Variants in ABCA4 observed in about 807,000 individuals in gnomAD.
The protein encoded by ABCA4 is ATP binding cassette subfamily A member 4.
Under a neutral mutation model 263.7 loss-of-function variants are expected in ABCA4, and 196 were observed. The ratio of observed to expected loss-of-function variants is 0.74; its 90% CI spans 0.66 to 0.84. ABCA4 has a LOEUF of 0.84. Among genes scored for constraint, ABCA4 ranks in the 40% least tolerant of loss-of-function variants. The probability of loss-of-function intolerance (pLI) is 0.00; values close to 1 mark genes in which losing one functional copy is unlikely to be tolerated. For synonymous variants in ABCA4, 1,133 were observed against 1,094.2 expected, an observed-to-expected ratio of 1.04 and a Z score of -0.70; for missense variants, 2,792 against 2,855.1, an observed-to-expected ratio of 0.98 and a Z score of 0.50.
intron 8 of ABCA4, among the ~76,000 whole-genome samples, 165 bp downstream of exon 8, chr1:94,080,313 C>A (rs1570407827): frequency 6.6e-6 from 1 of 152,182 alleles, no homozygotes; most frequent in Admixed American, 6.5e-5. Context: ...GCAATGCCCC[C>A]TTTCTGCAAG....
intron 4 of ABCA4, 129 bp downstream of exon 4, chr1:94,108,448 G>A (rs561318886): frequency 1.3e-4 from 168 of 1,343,882 alleles, no homozygotes; most frequent in Non-Finnish European, 1.7e-4. Context: ...TGTTCAAGCC[G>A]CCTCCAGACC....
chr1:94,029,376 A>T, intron 30 of ABCA4, 69 bp downstream of exon 30: 1 of 1,338,710 alleles, frequency 7.5e-7, no homozygotes. Context: ...GACTCAGGAG[A>T]TACCAGGGAC....
At chr1:94,103,642 A>C (rs1662346013) in intron 4 of ABCA4, among the ~76,000 whole-genome samples, 1 of 152,170 alleles carries the variant, frequency 6.6e-6, no homozygotes, top group Non-Finnish European at 1.5e-5. Flanking sequence ...TGAGGCTGAG[A>C]AACTCTGGTC....
intron 36 of ABCA4, among the ~76,000 whole-genome samples, chr1:94,017,931 C>G (rs991324465): frequency 6.6e-6 from 1 of 152,144 alleles, no homozygotes; most frequent in African/African-American, 2.4e-5. Context: ...ATTACATAAG[C>G]AATAATTGTT....
At chr1:94,013,630 C>T (rs1470653851) in intron 38 of ABCA4, among the ~76,000 whole-genome samples, 1 of 151,416 alleles carries the variant, frequency 6.6e-6, no homozygotes, top group Non-Finnish European at 1.5e-5. Context: ...AAAGACAGCC[C>T]TGCAGCGACT....
chr1:94,105,482 G>T (rs773222795), intron 4 of ABCA4, among the ~76,000 whole-genome samples: 3 of 152,168 alleles, frequency 2.0e-5, no homozygotes, highest in Non-Finnish European at 4.4e-5. Flanking sequence ...CAGGTGAAGA[G>T]GAGGCCGATA....
rs752508495 is a variant in ABCA4 at position 94,001,815 on chromosome 1, G to C, written c.6282+43C>G. The C allele has an allele frequency of 5.6e-6, 9 of 1,613,886 alleles. No individual in the cohort carries two copies. The Admixed American group carries it at 1.5e-4, about 27-fold the overall frequency. ...CTATTTCCCCAACCCAAGAGACCCA[G>C]CACTTGGTTTAAGCCCTTGGTGCGG... is the stretch of plus-strand genomic sequence containing the variant. On this transcript the variant is annotated intron_variant, in intron 45 of 49. Coordinates refer to ENST00000370225, the MANE Select transcript of ABCA4 (RefSeq NM_000350.3).
intron 11 of ABCA4, among the ~76,000 whole-genome samples, chr1:94,071,941 G>C (rs12077009): frequency 0.012 from 1,874 of 152,264 alleles, 42 homozygotes; most frequent in African/African-American, 0.042. Flanking sequence ...TGCACATCTA[G>C]AGTCAATGAA....
At chr1:94,074,161 A>G (rs1661477602) in intron 11 of ABCA4, among the ~76,000 whole-genome samples, 1 of 152,198 alleles carries the variant, frequency 6.6e-6, no homozygotes, top group Admixed American at 6.5e-5. Context: ...TGTTTTGTAA[A>G]CAGACACATA....
chr1:94,031,118 G>A lies in ABCA4; in HGVS notation c.4131C>T (p.Ile1377=), dbSNP rs145681797. 9.9e-6 allele frequency: 16 copies of A among 1,614,082 alleles called. No individual in the cohort carries two copies. In the South Asian group the frequency reaches 1.1e-4, roughly 11 times the overall value. The stretch of plus-strand genomic sequence containing the variant: ...AAAACACAAAGGTAGCCGGGAGCAC[G>A]ATCTGTGGGAGAATAGACGTGGAAT... The part of the protein sequence containing the change: ...IRSHKDFLAQ[I]VLPATFVFLA... The change falls in exon 28 of 50, where the codon ATC becomes ATT. Residue 1377 remains isoleucine (I), a splice_region_variant and synonymous_variant. Coordinates refer to ENST00000370225, the MANE Select transcript of ABCA4 (RefSeq NM_000350.3).
intron 7 of ABCA4, among the ~76,000 whole-genome samples, chr1:94,082,028 G>T (rs981897882): frequency 1.1e-4 from 17 of 152,120 alleles, no homozygotes; most frequent in Admixed American, 6.5e-4. Context: ...CCATGTTTAC[G>T]TGTCATCCCT....
chr1:94,007,807 G>T, intron 42 of ABCA4, 67 bp from the exon 43 acceptor site: 2 of 1,438,926 alleles, frequency 1.4e-6, no homozygotes, highest in Non-Finnish European at 2.0e-6. Flanking sequence ...AGGCCCCAGG[G>T]TAAGTGTGTG....
At chr1:94,067,494 C>T (rs1661302417) in intron 11 of ABCA4, among the ~76,000 whole-genome samples, 1 of 152,190 alleles carries the variant, frequency 6.6e-6, no homozygotes. Context: ...TTAAAAGATT[C>T]TCAAACGTTC....
chr1:94,019,019 GTTTTTTTT>G (rs757258025), intron 36 of ABCA4, among the ~76,000 whole-genome samples: 2 of 76,430 alleles, frequency 2.6e-5, no homozygotes, highest in African/African-American at 6.2e-5. Context: ...AAACAACCAG[GTTTTTTTT>G]TTTTTTTTTT....
rs545240996 is a variant in ABCA4, at chr1:94,108,330, C to G, written c.442+247G>C. 5.7e-4 allele frequency among the ~76,000 whole-genome samples: 87 copies of G among 152,300 alleles called. 2 individuals carry two copies. Among genetic ancestry groups the G allele is most frequent in the African/African-American group, 1.9e-3 (81 of 41,562 alleles). On this transcript the variant is annotated intron_variant, in intron 4 of 49. Transcript: ENST00000370225. ...CTTCCCATAGTGCCATCTCTCTTAGCATTCTTTCTGTCTCTAGACTTAACG... is the reference window on the plus strand; with the variant it reads ...CTTCCCATAGTGCCATCTCTCTTAGGATTCTTTCTGTCTCTAGACTTAACG...
At chr1:94,104,663 G>A (rs568226058) in intron 4 of ABCA4, among the ~76,000 whole-genome samples, 2 of 152,274 alleles carry the variant, frequency 1.3e-5, no homozygotes, top group East Asian at 3.9e-4. Flanking sequence ...TCACAGTAAT[G>A]GGTTCCCTGA....
chr1:94,021,512 G>A lies in ABCA4; in HGVS notation c.4849-103C>T. On this transcript the variant is annotated intron_variant, in intron 34 of 49. Coordinates refer to ENST00000370225, the MANE Select transcript of ABCA4 (RefSeq NM_000350.3). ...GAGAAGCAGGAAGGGTTTGGTAGCTGGAAGACATTCCTTGCTAGATTTCAG... is the reference window on the plus strand; with the variant it reads ...GAGAAGCAGGAAGGGTTTGGTAGCTAGAAGACATTCCTTGCTAGATTTCAG... 9 of 1,538,122 alleles carry A rather than the reference G, an allele frequency of 5.9e-6. No individual in the cohort carries two copies. In the South Asian group the frequency reaches 1.0e-4, roughly 17 times the overall value.
chr1:94,120,900 A>AAACC, intron 1 of ABCA4, 80 bp downstream of exon 1: 2 of 247,128 alleles, frequency 8.1e-6, no homozygotes, highest in Non-Finnish European at 6.8e-6. Flanking sequence ...CCACCACCCT[A>AAACC]CCCCACCACC....
Position 94,108,574 on chromosome 1 carries a change from T to C in ABCA4, c.442+3A>G. On this transcript the variant is annotated splice_donor_region_variant and intron_variant, in intron 4 of 49. Coordinates refer to ENST00000370225, the MANE Select transcript of ABCA4 (RefSeq NM_000350.3). ...TGCTTGAGAGCACTGCAGTCATGCT[T>C]ACCTGCAATTCTCTCCGGGTGAGTC... 1 of 1,613,456 alleles carries C rather than the reference T, an allele frequency of 6.2e-7. No individual in the cohort carries two copies. Among genetic ancestry groups the C allele is most frequent in the Non-Finnish European group, 8.5e-7 (1 of 1,179,934 alleles).
Sources: allele counts gnomAD v4.1 joint callset (sites outside exome capture counted in the v4.1 genomes callset), GRCh38; gene constraint gnomAD v4.1.1; transcripts MANE v1.5; gene names NCBI Gene and HGNC (gene_info 2026-07-23, HGNC 2026-07-21).